Variants in GTF3C4 observed in about 807,000 individuals in gnomAD.
GTF3C4 encodes general transcription factor IIIC subunit 4.
Under a neutral mutation model 67.5 loss-of-function variants are expected in GTF3C4, and 28 were observed. The ratio of observed to expected loss-of-function variants is 0.41; its 90% CI spans 0.31 to 0.57. The LOEUF (loss-of-function observed/expected upper bound fraction) is 0.57. Ranked by LOEUF, GTF3C4 falls within the 20% of genes least tolerant of loss-of-function variation. The pLI is 0.21. For synonymous variants in GTF3C4, 409 were observed against 393.0 expected (o/e 1.04, Z -0.48); for missense variants, 831 against 1,033.2 (o/e 0.80, Z 2.68).
intron 1 of GTF3C4, among the ~76,000 whole-genome samples, chr9:132,672,942 T>C (rs1416199580): frequency 6.6e-6 from 1 of 152,028 alleles, no homozygotes; most frequent in African/African-American, 2.4e-5. Flanking sequence ...CCCAGCACTT[T>C]GGGAGGCCGA....
chr9:132,683,404 A>G (rs968221415), intron 2 of GTF3C4, among the ~76,000 whole-genome samples, 159 bp from the exon 3 acceptor site: 1 of 149,954 alleles, frequency 6.7e-6, no homozygotes, highest in African/African-American at 2.4e-5. Context: ...TTCAGACAGT[A>G]TAATCAGGAT....
intron 3 of GTF3C4, among the ~76,000 whole-genome samples, chr9:132,686,625 G>A (rs1836033335): frequency 6.6e-6 from 1 of 152,212 alleles, no homozygotes; most frequent in Admixed American, 6.5e-5. Context: ...GGATGGAATT[G>A]AACCTGTGAA....
At position 132,690,794 on chromosome 9, in the gene GTF3C4, ATAAG is replaced by A. The variant is rs1207354389; in HGVS notation, c.*1850_*1853del. Reference sequence around the variant, plus strand: ...CAGCTGTTTTTTCACTTTACAATAAATAAGAGTAAAAATTGAGATCATGTCAAAA... The same window carrying A: ...CAGCTGTTTTTTCACTTTACAATAAAAGTAAAAATTGAGATCATGTCAAAA... On this transcript the variant is annotated 3_prime_UTR_variant, in exon 5 of 5. Transcript: ENST00000372146. 1.3e-5 allele frequency: 2 copies of A among 152,170 alleles called. No individual in the cohort carries two copies. Among genetic ancestry groups the A allele is most frequent in the East Asian group, 1.9e-4 (1 of 5,198 alleles). 9.4% of individuals were successfully genotyped at this position (152,170 alleles called of 1,614,324 possible).
chr9:132,670,540 G>A lies in GTF3C4; in HGVS notation c.-59G>A, dbSNP rs1463334042. ...GCTGGGGGTGGCGGCGGCGGTCCGGGAGGTGGTCGCGCGACTGCGTGGAGC... is the reference window on the plus strand; with the variant it reads ...GCTGGGGGTGGCGGCGGCGGTCCGGAAGGTGGTCGCGCGACTGCGTGGAGC... On this transcript the variant is annotated 5_prime_UTR_variant, in exon 1 of 5. Transcript: ENST00000372146. The A allele has an allele frequency of 2.7e-5, 34 of 1,271,446 alleles. No homozygotes were observed. In the East Asian group the frequency reaches 3.1e-4, roughly 12 times the overall value. 78.8% of individuals were successfully genotyped at this position (1,271,446 alleles called of 1,614,324 possible).
At chr9:132,672,631 A>G (rs1207639169) in intron 1 of GTF3C4, among the ~76,000 whole-genome samples, 1 of 152,206 alleles carries the variant, frequency 6.6e-6, no homozygotes, top group African/African-American at 2.4e-5. Flanking sequence ...GTTGGCTTCA[A>G]TCTAGGAAGT....
chr9:132,691,269 T>A lies in GTF3C4; in HGVS notation c.*2324T>A, dbSNP rs1427705597. 1.3e-5 allele frequency: 2 copies of A among 152,244 alleles called. No homozygotes were observed. The allele number at this position is 152,244 out of a possible 1,614,324, so 9.4% of individuals were successfully genotyped here. On this transcript the variant is annotated 3_prime_UTR_variant, in exon 5 of 5. Transcript: ENST00000372146. ...CACAAATAGTGCTTCTGAATTTCTC[T>A]GAGGGTCAGCATACCTCATGGGAGT... is the stretch of plus-strand genomic sequence containing the variant.
At chr9:132,674,924 AG>A (rs1285549898) in intron 1 of GTF3C4, among the ~76,000 whole-genome samples, 3 of 152,186 alleles carry the variant, frequency 2.0e-5, no homozygotes, top group African/African-American at 7.2e-5. Flanking sequence ...CTAGCTACTC[AG>A]GAGGCTGAGG....
intron 2 of GTF3C4, among the ~76,000 whole-genome samples, chr9:132,681,645 T>G (rs954686090): frequency 3.3e-5 from 5 of 152,212 alleles, no homozygotes; most frequent in African/African-American, 1.2e-4. Flanking sequence ...GTTTATGTAC[T>G]GTGTGTATAT....
chr9:132,689,786 T>TAA lies in GTF3C4; in HGVS notation c.*842_*843dup, dbSNP rs1836086755. ...AAAAGATATTTTCCTCTTTTAGTAA[T>TAA]AAGACTTTCAGTATTTTTAATGTTG... On this transcript the variant is annotated 3_prime_UTR_variant, in exon 5 of 5. Transcript: ENST00000372146. The TAA allele has an allele frequency of 6.6e-6, 1 of 152,178 alleles. No individual in the cohort carries two copies. The highest frequency in any genetic ancestry group is 2.4e-5 in the African/African-American group (1 of 41,434). The allele number at this position is 152,178 out of a possible 1,614,324, so 9.4% of individuals were successfully genotyped here. A position where few individuals can be genotyped will look rare whatever the true frequency, so the allele number is the denominator to read the frequency against.
chr9:132,670,854 A>C lies in GTF3C4; in HGVS notation c.256A>C (p.Ile86Leu). The C allele has an allele frequency of 6.2e-7, 1 of 1,611,934 alleles. No homozygotes were observed. Among genetic ancestry groups the C allele is most frequent in the Non-Finnish European group, 8.5e-7 (1 of 1,179,866 alleles). ...HRVSVSTARSIAVLELICDVH... is the reference protein window; with the variant it reads ...HRVSVSTARSLAVLELICDVH... ...CGTGTCTGTGTCCACGGCCCGCAGC[A>C]TCGCTGTGCTGGAGCTCATCTGCGA... Residue 86 changes from isoleucine (I) to leucine (L), a missense_variant, in exon 1 of 5, where the codon ATC becomes CTC. Ile to Leu is a conservative substitution (Grantham distance 5). Around this residue, in one of 4 missense-constraint regions of GTF3C4, gnomAD observed 237 missense variants for 212.7 expected, o/e 1.11. Transcript: ENST00000372146.
chr9:132,678,382 G>A lies in GTF3C4; in HGVS notation c.763G>A (p.Gly255Ser). 6.2e-7 allele frequency: 1 copy of A among 1,614,188 alleles called. No individual in the cohort carries two copies. Among genetic ancestry groups the A allele is most frequent in the Non-Finnish European group, 8.5e-7 (1 of 1,180,036 alleles). The change falls in exon 2 of 5, where the codon GGC becomes AGC. Residue 255 changes from glycine (G) to serine (S), a missense_variant. Gly to Ser is a moderately conservative substitution (Grantham distance 56). Around this residue, in one of 4 missense-constraint regions of GTF3C4, gnomAD observed 390 missense variants for 540.3 expected, o/e 0.72. Transcript: ENST00000372146. This position sits in a 1 kb window ranked among gnomAD's most constrained non-coding sequence, Gnocchi z 6.5. ...GACCCCAGTCAGAATGGAGTGGTCG[G>A]GCATCTGTACCACCCAGCAGGTCAA... The part of the protein sequence containing the change: ...MQTPVRMEWS[G>S]ICTTQQVKHN...
In GTF3C4 at chr9:132,679,595, C is replaced by G. The variant is rs926481315; in HGVS notation, c.1976C>G (p.Ala659Gly). 2 of 1,614,094 alleles carry G rather than the reference C, an allele frequency of 1.2e-6. No homozygotes were observed. The highest frequency in any genetic ancestry group is 8.5e-7 in the Non-Finnish European group (1 of 1,180,008). ...GACTCGCTCCCCACGACTGGAGATG[C>G]TGGAGGCCGTGAGCCAATGGAAGAG... ...TDDSLPTTGD[A>G]GGREPMEEKL... The change falls in exon 2 of 5, where the codon GCT (alanine) becomes GGT (glycine). Residue 659 changes from alanine to glycine, a missense_variant. Ala to Gly is a moderately conservative substitution (Grantham distance 60). This residue lies in a region of GTF3C4 where 129 missense variants were observed against 213.8 expected (regional missense o/e 0.60). Transcript: ENST00000372146. The surrounding 1 kb of genome is among the most constrained non-coding windows in gnomAD (Gnocchi z 5.9).
rs146673001 is a variant in GTF3C4, at chr9:132,679,300, T to G, written c.1681T>G (p.Leu561Val). The G allele has an allele frequency of 1.2e-6, 2 of 1,613,776 alleles. No individual in the cohort carries two copies. The highest frequency in any genetic ancestry group is 1.7e-6 in the Non-Finnish European group (2 of 1,179,966). Residue 561 changes from leucine to valine, a missense_variant, in exon 2 of 5, where the codon TTG becomes GTG. Leu to Val is a conservative substitution (Grantham distance 32, BLOSUM62 1). Coordinates refer to ENST00000372146, the MANE Select transcript of GTF3C4 (RefSeq NM_012204.4). The surrounding 1 kb of genome is among the most constrained non-coding windows in gnomAD (Gnocchi z 5.9). Reference sequence around the variant, plus strand: ...TATCCCTCAATTTTTACAAGAAGCTTTGGAAAAAAAGATTGAAAGCAGTGG... The same window carrying G: ...TATCCCTCAATTTTTACAAGAAGCTGTGGAAAAAAAGATTGAAAGCAGTGG... Reference protein sequence around the residue: ...KHIPQFLQEALEKKIESSGVT... With the variant: ...KHIPQFLQEAVEKKIESSGVT...
intron 2 of GTF3C4, among the ~76,000 whole-genome samples, chr9:132,680,687 T>C (rs554626509): frequency 2.6e-5 from 4 of 152,380 alleles, no homozygotes; most frequent in African/African-American, 9.6e-5. Flanking sequence ...TGTTGCACTT[T>C]CTTGTTGGAA....
In GTF3C4 at chr9:132,679,803, G is replaced by A; in HGVS notation, c.2184G>A (p.Arg728=). The stretch of plus-strand genomic sequence containing the variant: ...AAGAGTATGATGACAGAACTGCACG[G>A]GTAGGTGTTTATTAACAAAAACTCT... The part of the protein sequence containing the change: ...SDEEYDDRTA[R]VLIGHISKKM... The change falls in exon 2 of 5, where the codon CGG becomes CGA. Residue 728 remains arginine, a splice_region_variant and synonymous_variant. Transcript: ENST00000372146. This position sits in a 1 kb window ranked among gnomAD's most constrained non-coding sequence, Gnocchi z 5.9. 6.4e-7 allele frequency: 1 copy of A among 1,565,810 alleles called. No homozygotes were observed. Among genetic ancestry groups the A allele is most frequent in the Non-Finnish European group, 8.7e-7 (1 of 1,152,314 alleles).
intron 2 of GTF3C4, among the ~76,000 whole-genome samples, chr9:132,682,774 T>C (rs535615898): frequency 6.6e-6 from 1 of 152,034 alleles, no homozygotes; most frequent in Admixed American, 6.6e-5. Flanking sequence ...CTGGCTACTT[T>C]TTGTATTTTT....
intron 1 of GTF3C4, among the ~76,000 whole-genome samples, chr9:132,677,115 C>G (rs1161411382): frequency 6.6e-6 from 1 of 152,122 alleles, no homozygotes; most frequent in African/African-American, 2.4e-5. Flanking sequence ...TATTAAAGAG[C>G]TCACAGCTGG....
In GTF3C4 at chr9:132,689,681, T is replaced by TA. The variant is rs1304135636; in HGVS notation, c.*737dup. ...CCTTAATCCGTATAAAGATGTCAAA[T>TA]ACTGTAGTTCACCCACGCCACAGCC... On this transcript the variant is annotated 3_prime_UTR_variant, in exon 5 of 5. Transcript: ENST00000372146. 1 of 152,166 alleles carries TA rather than the reference T, an allele frequency of 6.6e-6. No individual in the cohort carries two copies. Among genetic ancestry groups the TA allele is most frequent in the African/African-American group, 2.4e-5 (1 of 41,438 alleles). 9.4% of individuals were successfully genotyped at this position (152,166 alleles called of 1,614,324 possible).
In GTF3C4 at chr9:132,679,468, G is replaced by A; in HGVS notation, c.1849G>A (p.Ala617Thr). ...LLVDSPGMGN[A>T]DDEQQEEGTS... ...AGTGGATTCGCCTGGGATGGGCAAT[G>A]CTGACGATGAACAGCAGGAAGAAGG... The change falls in exon 2 of 5, where the codon GCT (alanine) becomes ACT (threonine). Residue 617 changes from alanine (A) to threonine (T), a missense_variant. Transcript: ENST00000372146. The surrounding 1 kb of genome is among the most constrained non-coding windows in gnomAD (Gnocchi z 5.9). 6.2e-7 allele frequency: 1 copy of A among 1,614,140 alleles called. No homozygotes were observed. The highest frequency in any genetic ancestry group is 8.5e-7 in the Non-Finnish European group (1 of 1,180,020).
Sources: allele counts gnomAD v4.1 joint callset (sites outside exome capture counted in the v4.1 genomes callset), GRCh38; gene constraint gnomAD v4.1.1; regional missense constraint gnomAD v4.1.1; non-coding constraint Gnocchi (gnomAD v3.1); transcripts MANE v1.5; gene names NCBI Gene and HGNC (gene_info 2026-07-23, HGNC 2026-07-21).